The following C18orf63 variants were observed in gnomAD, a reference collection of about 807,000 sequenced individuals.
C18orf63 encodes uncharacterized protein C18orf63.
Under a neutral mutation model 75.3 loss-of-function variants are expected in C18orf63, and 50 were observed. That is an observed-to-expected ratio of 0.66 (90% CI 0.53 to 0.84). The LOEUF (loss-of-function observed/expected upper bound fraction) is 0.84. C18orf63 is among the 40% of genes least tolerant of loss of function. The pLI is 0.00. For missense variants in C18orf63, 732 were observed against 800.2 expected, an observed-to-expected ratio of 0.91 and a Z score of 1.03; for synonymous variants, 232 against 267.6, an observed-to-expected ratio of 0.87 and a Z score of 1.30.
intron 11 of C18orf63, 88 bp from the exon 12 acceptor site, chr18:74,353,158 T>G (rs966691091): frequency 4.4e-6 from 4 of 902,598 alleles, no homozygotes; most frequent in Non-Finnish European, 6.5e-6. Flanking sequence ...TTTATATTCT[T>G]ATTTGGATGA....
chr18:74,324,877 A>G (rs532772776), intron 4 of C18orf63, among the ~76,000 whole-genome samples: 1 of 152,144 alleles, frequency 6.6e-6, no homozygotes, highest in African/African-American at 2.4e-5. Context: ...AGACTTTCCA[A>G]CCCTGAATTC....
rs1984235113 is a variant in C18orf63 at position 74,327,858 on chromosome 18, G to A, written c.271-89G>A. 5.3e-6 allele frequency: 4 copies of A among 753,060 alleles called. No individual in the cohort carries two copies. In the Admixed American group the frequency reaches 8.6e-5, roughly 16 times the overall value. The allele number at this position is 753,060 out of a possible 1,614,324, so 46.6% of individuals were successfully genotyped here. A position where few individuals can be genotyped will look rare whatever the true frequency, so the allele number is the denominator to read the frequency against. On this transcript the variant is annotated intron_variant, in intron 4 of 13. Transcript: ENST00000579455. ...AGAACACCCGAGTTTGTTGGGTGGT[G>A]ATCTAAATGGGCAGTCATTTCCTAT...
intron 13 of C18orf63, among the ~76,000 whole-genome samples, chr18:74,355,268 G>T (rs2145134613): frequency 6.6e-6 from 1 of 152,152 alleles, no homozygotes; most frequent in Non-Finnish European, 1.5e-5. Flanking sequence ...GAAAGTATTT[G>T]AGTCTATTCC....
intron 4 of C18orf63, among the ~76,000 whole-genome samples, chr18:74,327,430 G>A (rs529239883): frequency 3.7e-4 from 57 of 152,284 alleles, no homozygotes; most frequent in African/African-American, 1.1e-3. Flanking sequence ...GGAAAACTTT[G>A]TAATTTTGAG....
chr18:74,347,623 G>C (rs1470063770), intron 11 of C18orf63, among the ~76,000 whole-genome samples: 1 of 152,116 alleles, frequency 6.6e-6, no homozygotes, highest in Non-Finnish European at 1.5e-5. Context: ...ACATAGAAAA[G>C]TTTCTTGGTG....
intron 5 of C18orf63, 105 bp from the exon 6 acceptor site, chr18:74,328,890 G>A (rs147306876): frequency 4.8e-6 from 3 of 629,728 alleles, no homozygotes; most frequent in African/African-American, 1.8e-5. Context: ...GCATTTTAAA[G>A]TATTTTCTTT....
In C18orf63 at chr18:74,342,261, T is replaced by C; in HGVS notation, c.729T>C (p.Gly243=). 1 of 1,531,630 alleles carries C rather than the reference T, an allele frequency of 6.5e-7. No homozygotes were observed. Among genetic ancestry groups the C allele is most frequent in the Non-Finnish European group, 8.7e-7 (1 of 1,143,062 alleles). 94.9% of individuals were successfully genotyped at this position (1,531,630 alleles called of 1,614,324 possible). A position where few individuals can be genotyped will look rare whatever the true frequency, so the allele number is the denominator to read the frequency against. The part of the protein sequence containing the change: ...WDALYGYKLP[G]DCGKIKIYCN... Reference sequence around the variant, plus strand: ...TTTAGTATGGCTATAAACTTCCAGGTGATTGTGGAAAAATTAAAATATACT... The same window carrying C: ...TTTAGTATGGCTATAAACTTCCAGGCGATTGTGGAAAAATTAAAATATACT... The change falls in exon 10 of 14, where the codon GGT becomes GGC. Residue 243 remains glycine (G), a synonymous_variant. Transcript: ENST00000579455.
intron 7 of C18orf63, among the ~76,000 whole-genome samples, chr18:74,333,278 A>C (rs1984339642): frequency 6.6e-6 from 1 of 152,222 alleles, no homozygotes; most frequent in Non-Finnish European, 1.5e-5. Flanking sequence ...AACAGAATGC[A>C]GAACACCACT....
At chr18:74,319,510 C>T (rs1457167511) in intron 2 of C18orf63, among the ~76,000 whole-genome samples, 1 of 152,062 alleles carries the variant, frequency 6.6e-6, no homozygotes, top group Non-Finnish European at 1.5e-5. Flanking sequence ...TGTGTTTTTC[C>T]TATCTTTCCC....
chr18:74,319,903 A>G (rs1316371722), intron 2 of C18orf63, among the ~76,000 whole-genome samples: 2 of 152,208 alleles, frequency 1.3e-5, no homozygotes, highest in East Asian at 3.9e-4. Flanking sequence ...AGATGCGGGG[A>G]CAAGTTCTCA....
intron 8 of C18orf63, among the ~76,000 whole-genome samples, chr18:74,340,258 T>C (rs1984458747): frequency 1.3e-5 from 2 of 152,202 alleles, no homozygotes; most frequent in South Asian, 4.1e-4. Flanking sequence ...GAAAAAATGC[T>C]CAACACCACT....
Position 74,353,337 on chromosome 18 carries a change from A to T in C18orf63, c.1070A>T (p.Gln357Leu), listed in dbSNP as rs979398514. The part of the protein sequence containing the change: ...QATSRKPACA[Q>L]SLLPCSVAVD... The stretch of plus-strand genomic sequence containing the variant: ...ACTTCCAGAAAGCCTGCCTGTGCTC[A>T]AAGTCTTCTACCATGTTCAGTAGCA... Residue 357 changes from glutamine (Q) to leucine (L), a missense_variant, in exon 12 of 14, where the codon CAA (glutamine) becomes CTA (leucine). Gln to Leu is a moderately radical substitution (Grantham distance 113). Transcript: ENST00000579455. 2.0e-6 allele frequency: 3 copies of T among 1,535,944 alleles called. No homozygotes were observed. The highest frequency in any genetic ancestry group is 3.9e-5 in the Admixed American group (2 of 50,984).
At chr18:74,349,122 T>G (rs1402486194) in intron 11 of C18orf63, among the ~76,000 whole-genome samples, 1 of 152,236 alleles carries the variant, frequency 6.6e-6, no homozygotes, top group Admixed American at 6.5e-5. Context: ...GTTACTACAG[T>G]TTATAGAACC....
chr18:74,341,270 CAAAAAAAAAAAAA>C (rs58362707), intron 8 of C18orf63, among the ~76,000 whole-genome samples: 17 of 59,004 alleles, frequency 2.9e-4, no homozygotes, highest in South Asian at 8.7e-4. Flanking sequence ...GACTCCGTCT[CAAAAAAAAAAAAA>C]AAAAAAAAAA....
rs555384174 is a variant in C18orf63, at chr18:74,358,759, A to C, written c.*2312A>C. 6.6e-6 allele frequency: 1 copy of C among 152,332 alleles called. No individual in the cohort carries two copies. The highest frequency in any genetic ancestry group is 1.9e-4 in the East Asian group (1 of 5,188). 9.4% of individuals were successfully genotyped at this position (152,332 alleles called of 1,614,324 possible). On this transcript the variant is annotated 3_prime_UTR_variant, in exon 14 of 14. Transcript: ENST00000579455. ...ACTTTAAAAAATATATGGCAATGTC[A>C]AAATAAATGCCAAGAATCATATTTC...
At chr18:74,352,116 CATT>C (rs1253815152) in intron 11 of C18orf63, among the ~76,000 whole-genome samples, 1 of 151,926 alleles carries the variant, frequency 6.6e-6, no homozygotes, top group African/African-American at 2.4e-5. Context: ...ACCCTGAAAA[CATT>C]ATGCTAAATG....
intron 7 of C18orf63, among the ~76,000 whole-genome samples, chr18:74,337,579 C>T (rs979303425): frequency 6.6e-6 from 1 of 152,106 alleles, no homozygotes; most frequent in African/African-American, 2.4e-5. Context: ...ACATTCATAA[C>T]CATGCCTCCT....
rs552082916 is a variant in C18orf63 at position 74,359,146 on chromosome 18, G to A, written c.*2699G>A. The A allele has an allele frequency of 2.1e-4, 32 of 152,286 alleles. No homozygotes were observed. Among genetic ancestry groups the A allele is most frequent in the South Asian group, 6.2e-4 (3 of 4,832 alleles). 9.4% of individuals were successfully genotyped at this position (152,286 alleles called of 1,614,324 possible). On this transcript the variant is annotated 3_prime_UTR_variant, in exon 14 of 14. Transcript: ENST00000579455. ...TGTTCACTTTGTTGTACGTTACATA[G>A]TGTCTTATTCAAAATTGAAAATAAT...
At chr18:74,348,917 A>T (rs1984619236) in intron 11 of C18orf63, among the ~76,000 whole-genome samples, 1 of 152,210 alleles carries the variant, frequency 6.6e-6, no homozygotes, top group African/African-American at 2.4e-5. Context: ...AGGGAGCAAA[A>T]GAAACTTCTG....
Sources: gnomAD v4.1 joint callset for allele counts (sites outside exome capture counted in the v4.1 genomes callset) on GRCh38, gnomAD v4.1.1 for gene constraint, MANE v1.5 for transcripts, NCBI Gene and HGNC (gene_info 2026-07-23, HGNC 2026-07-21) for gene names.